The following ZFYVE26 variants were observed in gnomAD, a reference collection of about 807,000 sequenced individuals.
ZFYVE26 encodes the protein zinc finger FYVE-type containing 26.
In ZFYVE26, 181 loss-of-function variants were observed where a neutral mutation model predicts 276.5. The ratio of observed to expected loss-of-function variants is 0.65; its 90% CI spans 0.58 to 0.74. The LOEUF is 0.74. ZFYVE26 is among the 30% of genes least tolerant of loss of function. ZFYVE26 has a pLI of 0.00. For missense variants in ZFYVE26, 2,821 were observed against 3,097.9 expected (o/e 0.91, Z 2.12); for synonymous variants, 1,129 against 1,203.1 (o/e 0.94, Z 1.27).
chr14:67,756,175 G>C lies in ZFYVE26; in HGVS notation c.6589-30C>G, dbSNP rs535793492. 14 of 1,611,934 alleles carry C rather than the reference G, an allele frequency of 8.7e-6. No individual in the cohort carries two copies. The African/African-American group carries it at 1.9e-4, about 21-fold the overall frequency. On this transcript the variant is annotated intron_variant, in intron 35 of 41. Transcript: ENST00000347230. ...AGCAGGGCAGGGCGAGAAGTCAGAA[G>C]TCTTGAGCCTGGTTCTGGCACTGTC...
rs1349267881 is a variant in ZFYVE26 at position 67,778,172 on chromosome 14, T to C, written c.4751A>G (p.His1584Arg). The stretch of plus-strand genomic sequence containing the variant: ...TCTTCTTTCTAGAAGGTGGAGAAGA[T>C]GCTTTTGATGAAGGCTGATTAAATG... ...REHLISLHQKHLLHLLERRDH... is the reference protein window; with the variant it reads ...REHLISLHQKRLLHLLERRDH... Residue 1584 changes from histidine (H) to arginine (R), a missense_variant, in exon 24 of 42, where the codon CAT becomes CGT. By Grantham distance (29) the His-to-Arg change is conservative. Coordinates refer to ENST00000347230, the MANE Select transcript of ZFYVE26 (RefSeq NM_015346.4). 6.2e-7 allele frequency: 1 copy of C among 1,614,220 alleles called. No individual in the cohort carries two copies. The highest frequency in any genetic ancestry group is 8.5e-7 in the Non-Finnish European group (1 of 1,180,028).
In ZFYVE26 at chr14:67,786,176, A is replaced by G. The variant is rs748310249; in HGVS notation, c.3077T>C (p.Val1026Ala). Reference protein sequence around the residue: ...NADGIRGFPVVLQQISKSLNY... With the variant: ...NADGIRGFPVALQQISKSLNY... Reference sequence around the variant, plus strand: ...GAGACTCTTACTGATTTGCTGAAGAACAACTGGAAAACCTCGAATGCCATC... The same window carrying G: ...GAGACTCTTACTGATTTGCTGAAGAGCAACTGGAAAACCTCGAATGCCATC... Residue 1026 changes from valine to alanine, a missense_variant, in exon 17 of 42, where the codon GTT becomes GCT. Transcript: ENST00000347230. The G allele has an allele frequency of 1.2e-5, 19 of 1,614,042 alleles. No individual in the cohort carries two copies. The highest frequency in any genetic ancestry group is 1.5e-5 in the Non-Finnish European group (18 of 1,180,002).
rs1235680266 is a variant in ZFYVE26 at position 67,766,371 on chromosome 14, T to C, written c.5867A>G (p.Glu1956Gly). ...DSIACGHQLI[E>G]HCCRLSKGLT... ...GCCCTTGGAGAGCCTGCAGCAGTGC[T>C]CAATCAGCTGGTGACCACAGGCAAT... Residue 1956 changes from glutamate to glycine, a missense_variant, in exon 32 of 42, where the codon GAG (glutamate) becomes GGG (glycine). Coordinates refer to ENST00000347230, the MANE Select transcript of ZFYVE26 (RefSeq NM_015346.4). The C allele has an allele frequency of 6.2e-7, 1 of 1,612,918 alleles. No individual in the cohort carries two copies. The highest frequency in any genetic ancestry group is 1.7e-5 in the Admixed American group (1 of 60,030).
At chr14:67,737,169 T>C (rs2038362781) in intron 13 of ZFYVE26, among the ~76,000 whole-genome samples, 1 of 144,528 alleles carries the variant, frequency 6.9e-6, no homozygotes, top group South Asian at 2.4e-4. Context: ...GCTCAAGCAA[T>C]CTTCCTGTCT....
At chr14:67,809,933 T>C (rs2040265599) in intron 3 of ZFYVE26, among the ~76,000 whole-genome samples, 2 of 151,922 alleles carry the variant, frequency 1.3e-5, no homozygotes, top group African/African-American at 4.8e-5. Flanking sequence ...TATAGGCGTG[T>C]GCCACCACTT....
chr14:67,809,408 C>CTTTTTTTTTTTTTTTTTTTTTTTTTT (rs10580613), intron 3 of ZFYVE26, 119 bp from the exon 4 acceptor site: 2 of 193,442 alleles, frequency 1.0e-5, no homozygotes, highest in African/African-American at 7.4e-5. Flanking sequence ...ATGAAGCACT[C>CTTTTTTTTTTTTTTTTTTTTTTTTTT]TTTTTTTTTT....
Position 67,748,554 on chromosome 14 carries a change from A to G in ZFYVE26, c.7502T>C (p.Val2501Ala). 3 of 1,614,168 alleles carry G rather than the reference A, an allele frequency of 1.9e-6. No individual in the cohort carries two copies. Among genetic ancestry groups the G allele is most frequent in the Non-Finnish European group, 2.5e-6 (3 of 1,180,024 alleles). Residue 2501 changes from valine to alanine, a missense_variant, in exon 42 of 42, where the codon GTC (valine) becomes GCC (alanine). Val to Ala is a moderately conservative substitution (Grantham distance 64). Transcript: ENST00000347230. ...KQEHSRATALVQQVQQAAKSS... is the reference protein window; with the variant it reads ...KQEHSRATALAQQVQQAAKSS... ...CTTGGCGGCCTGCTGCACCTGCTGG[A>G]CAAGGGCTGTGGCCCGTGAGTGTTC...
In ZFYVE26 at chr14:67,755,115, G is replaced by A. The variant is rs756020172; in HGVS notation, c.6922C>T (p.Arg2308Cys). The A allele has an allele frequency of 2.5e-5, 41 of 1,613,952 alleles. No individual in the cohort carries two copies. The East Asian group carries it at 3.6e-4, about 14-fold the overall frequency. ...HLKIYLQETSRSSGRKKTTFF... is the reference protein window; with the variant it reads ...HLKIYLQETSCSSGRKKTTFF... ...GTGGTTTTCTTCCTTCCAGAGCTGC[G>A]GGATGTTTCTTGGAGGTAGATCTTC... is the stretch of plus-strand genomic sequence containing the variant. The change falls in exon 37 of 42, where the codon CGC becomes TGC. Residue 2308 changes from arginine (R) to cysteine (C), a missense_variant. Coordinates refer to ENST00000347230, the MANE Select transcript of ZFYVE26 (RefSeq NM_015346.4).
At chr14:67,796,234 T>TG (rs2039949300) in intron 12 of ZFYVE26, 1 of 151,458 alleles carries the variant, frequency 6.6e-6, no homozygotes, top group African/African-American at 2.4e-5. Context: ...TTTTTTTTTT[T>TG]GAGATGGATT....
At chr14:67,738,208 T>C (rs1476776135) in intron 13 of ZFYVE26, among the ~76,000 whole-genome samples, 2 of 151,848 alleles carry the variant, frequency 1.3e-5, no homozygotes, top group African/African-American at 4.8e-5. Flanking sequence ...AACATTAGCC[T>C]ATGTATGTAA....
intron 10 of ZFYVE26, among the ~76,000 whole-genome samples, chr14:67,801,590 A>C (rs1389518292): frequency 6.6e-6 from 1 of 152,184 alleles, no homozygotes; most frequent in Non-Finnish European, 1.5e-5. Flanking sequence ...AGAGGATAGG[A>C]CCATTAGGTT....
At chr14:67,798,691 T>C (rs553795972) in intron 10 of ZFYVE26, 69 bp from the exon 11 acceptor site, 1 of 1,595,258 alleles carries the variant, frequency 6.3e-7, no homozygotes, top group Non-Finnish European at 8.6e-7. Context: ...TTAGAAACAT[T>C]ACCTCCCAGC....
downstream of ZFYVE26, among the ~76,000 whole-genome samples, chr14:67,742,298 T>C (rs2038423711): frequency 6.6e-6 from 1 of 152,196 alleles, no homozygotes; most frequent in Non-Finnish European, 1.5e-5. Context: ...AGTTGGAGGA[T>C]GAAAAAGTTC....
intron 2 of ZFYVE26, among the ~76,000 whole-genome samples, chr14:67,815,214 G>A (rs927290408): frequency 6.6e-6 from 1 of 152,198 alleles, no homozygotes; most frequent in African/African-American, 2.4e-5. Context: ...TTAAGAAAAT[G>A]CTGAAAACCA....
At chr14:67,735,397 G>A in intron 13 of ZFYVE26, 1 of 669,002 alleles carries the variant, frequency 1.5e-6, no homozygotes, top group Middle Eastern at 4.0e-4. Flanking sequence ...CATGTTTCCA[G>A]AAAAGACTTG....
chr14:67,774,008 T>A (rs1264854893), intron 27 of ZFYVE26, among the ~76,000 whole-genome samples: 4 of 152,178 alleles, frequency 2.6e-5, no homozygotes, highest in Non-Finnish European at 4.4e-5. Flanking sequence ...TGTGACAGTA[T>A]GAACTTGAGG....
At chr14:67,774,054 C>A (rs565515013) in intron 27 of ZFYVE26, among the ~76,000 whole-genome samples, 1 of 152,284 alleles carries the variant, frequency 6.6e-6, no homozygotes, top group African/African-American at 2.4e-5. Flanking sequence ...TACTAGATTG[C>A]ATATTTGTAA....
intron 32 of ZFYVE26, among the ~76,000 whole-genome samples, chr14:67,763,997 ATCCT>A (rs1417148778): frequency 6.6e-6 from 1 of 152,204 alleles, no homozygotes; most frequent in Non-Finnish European, 1.5e-5. Context: ...GGGTGGAAGC[ATCCT>A]GGTCCTTCAC....
At chr14:67,746,067 G>A (rs1346402012), downstream of ZFYVE26, among the ~76,000 whole-genome samples, 1 of 151,200 alleles carries the variant, frequency 6.6e-6, no homozygotes, top group Non-Finnish European at 1.5e-5. Flanking sequence ...CTGTAGTGGC[G>A]AAAGATGGCA....
Sources: gnomAD v4.1 joint callset for allele counts (sites outside exome capture counted in the v4.1 genomes callset) on GRCh38, gnomAD v4.1.1 for gene constraint, MANE v1.5 for transcripts, NCBI Gene and HGNC (gene_info 2026-07-23, HGNC 2026-07-21) for gene names.